The following DEFA5 variants were observed in gnomAD, a reference collection of about 807,000 sequenced individuals.
DEFA5 encodes the protein defensin alpha 5.
Under a neutral mutation model 8.7 loss-of-function variants are expected in DEFA5, and 11 were observed. That is an observed-to-expected ratio of 1.26 (90% CI 0.80 to 2.09). DEFA5 has a LOEUF of 2.09. DEFA5 is among the 30% of genes most tolerant of loss of function. The pLI is 0.00. For synonymous variants in DEFA5, 52 were observed against 43.9 expected (o/e 1.18, Z -0.73); for missense variants, 181 against 117.2 (o/e 1.54, Z -2.52).
In DEFA5 at chr8:7,056,692, C is replaced by T; in HGVS notation, c.6G>A (p.Arg2=). Residue 2 remains arginine (R), a synonymous_variant, in exon 1 of 2, where the codon AGG becomes AGA. Coordinates refer to ENST00000330590, the MANE Select transcript of DEFA5 (RefSeq NM_021010.3). ...GAATGGCAGCAAGGATGGCGATGGT[C>T]CTCATGGCTGGGGTCACCTGCAGGA... M[R]TIAILAAILL... 6.2e-7 allele frequency: 1 copy of T among 1,611,060 alleles called. No individual in the cohort carries two copies.
At position 7,055,568 on chromosome 8, in the gene DEFA5, C is replaced by A. The variant is rs1373877011; in HGVS notation, c.173-25G>T. The A allele has an allele frequency of 1.1e-5, 17 of 1,537,558 alleles. No individual in the cohort carries two copies. The South Asian group carries it at 1.9e-4, about 18-fold the overall frequency. ...CCTGTGGAAAGAAGAGAGGGTCAGGCACAGCGAGGGAGGTGGGAAAAAGGA... is the reference window on the plus strand; with the variant it reads ...CCTGTGGAAAGAAGAGAGGGTCAGGAACAGCGAGGGAGGTGGGAAAAAGGA... On this transcript the variant is annotated intron_variant, in intron 1 of 1. Transcript: ENST00000330590.
chr8:7,055,393 A>T lies in DEFA5; in HGVS notation c.*38T>A. 2.0e-6 allele frequency: 3 copies of T among 1,522,092 alleles called. No individual in the cohort carries two copies. Among genetic ancestry groups the T allele is most frequent in the Non-Finnish European group, 2.7e-6 (3 of 1,099,574 alleles). 94.3% of individuals were successfully genotyped at this position (1,522,092 alleles called of 1,614,324 possible). On this transcript the variant is annotated 3_prime_UTR_variant, in exon 2 of 2. Coordinates refer to ENST00000330590, the MANE Select transcript of DEFA5 (RefSeq NM_021010.3). Reference sequence around the variant, plus strand: ...TGTTTTTCTTTTTTCAGGACCTTGAACTGAATCTTGCACTGCTTTGGTTTC... The same window carrying T: ...TGTTTTTCTTTTTTCAGGACCTTGATCTGAATCTTGCACTGCTTTGGTTTC...
In DEFA5 at chr8:7,055,388, C is replaced by T. The variant is rs746673967; in HGVS notation, c.*43G>A. On this transcript the variant is annotated 3_prime_UTR_variant, in exon 2 of 2. Coordinates refer to ENST00000330590, the MANE Select transcript of DEFA5 (RefSeq NM_021010.3). ...TAAAATGTTTTTCTTTTTTCAGGAC[C>T]TTGAACTGAATCTTGCACTGCTTTG... 8.0e-6 allele frequency: 12 copies of T among 1,494,620 alleles called. No individual in the cohort carries two copies. In the East Asian group the frequency reaches 2.5e-4, roughly 31 times the overall value. 92.6% of individuals were successfully genotyped at this position (1,494,620 alleles called of 1,614,324 possible).
In DEFA5 at chr8:7,055,329, G is replaced by A. The variant is rs1585105302; in HGVS notation, c.*102C>T. Reference sequence around the variant, plus strand: ...TTTAATGCTTGAACTTTATTTTGGAGAGAGAAATTTAGAAAGACACAAGGT... The same window carrying A: ...TTTAATGCTTGAACTTTATTTTGGAAAGAGAAATTTAGAAAGACACAAGGT... On this transcript the variant is annotated 3_prime_UTR_variant, in exon 2 of 2. Coordinates refer to ENST00000330590, the MANE Select transcript of DEFA5 (RefSeq NM_021010.3). The A allele has an allele frequency of 6.0e-6, 5 of 838,790 alleles. No individual in the cohort carries two copies. In the East Asian group the frequency reaches 1.3e-4, roughly 23 times the overall value. The allele number at this position is 838,790 out of a possible 1,614,324, so 52.0% of individuals were successfully genotyped here. A position where few individuals can be genotyped will look rare whatever the true frequency, so the allele number is the denominator to read the frequency against.
At chr8:7,055,769 A>ACCTGCTC (rs1443733196) in intron 1 of DEFA5, among the ~76,000 whole-genome samples, 2 of 152,164 alleles carry the variant, frequency 1.3e-5, no homozygotes, top group African/African-American at 4.8e-5. Context: ...TGTATTTATT[A>ACCTGCTC]CCTGCTCCCT....
chr8:7,056,498 G>A (rs755905333), intron 1 of DEFA5, 28 bp downstream of exon 1: 4 of 1,572,392 alleles, frequency 2.5e-6, no homozygotes, highest in Non-Finnish European at 3.5e-6. Flanking sequence ...TCTAGATTTT[G>A]CAGATGTGCA....
At chr8:7,056,050 A>G (rs145103641) in intron 1 of DEFA5, among the ~76,000 whole-genome samples, 14 of 93,182 alleles carry the variant, frequency 1.5e-4, no homozygotes, top group African/African-American at 5.4e-4. Context: ...AACATTTTAC[A>G]TATTTACTTG....
intron 1 of DEFA5, 105 bp downstream of exon 1, chr8:7,056,421 G>A (rs959468344): frequency 2.6e-6 from 3 of 1,166,416 alleles, no homozygotes; most frequent in Admixed American, 2.4e-5. Flanking sequence ...GGAAGATTAA[G>A]TAAAGTCACT....
In DEFA5 at chr8:7,056,421, G is replaced by C. The variant is rs959468344; in HGVS notation, c.172+105C>G. The C allele has an allele frequency of 3.4e-6, 4 of 1,166,298 alleles. No individual in the cohort carries two copies. In the African/African-American group the frequency reaches 6.1e-5, roughly 18 times the overall value. The allele number at this position is 1,166,298 out of a possible 1,614,324, so 72.2% of individuals were successfully genotyped here. On this transcript the variant is annotated intron_variant, in intron 1 of 1. Transcript: ENST00000330590. ...GAAAATCAAGGTCCAGGAAGATTAAGTAAAGTCACTCAAGTGAGGTAGACC... is the reference window on the plus strand; with the variant it reads ...GAAAATCAAGGTCCAGGAAGATTAACTAAAGTCACTCAAGTGAGGTAGACC...
At position 7,056,698 on chromosome 8, in the gene DEFA5, G is replaced by C. The variant is rs368120233; in HGVS notation, c.-1C>G. 14 of 1,608,054 alleles carry C rather than the reference G, an allele frequency of 8.7e-6. 1 individual carries two copies. The African/African-American group carries it at 1.2e-4, about 14-fold the overall frequency. On this transcript the variant is annotated 5_prime_UTR_variant, in exon 1 of 2. Coordinates refer to ENST00000330590, the MANE Select transcript of DEFA5 (RefSeq NM_021010.3). ...CAGCAAGGATGGCGATGGTCCTCATGGCTGGGGTCACCTGCAGGAGGGAGA... is the reference window on the plus strand; with the variant it reads ...CAGCAAGGATGGCGATGGTCCTCATCGCTGGGGTCACCTGCAGGAGGGAGA...
chr8:7,056,596 C>G lies in DEFA5; in HGVS notation c.102G>C (p.Gln34His). The G allele has an allele frequency of 1.9e-6, 3 of 1,614,172 alleles. No homozygotes were observed. The highest frequency in any genetic ancestry group is 2.5e-6 in the Non-Finnish European group (3 of 1,179,992). Residue 34 changes from glutamine to histidine, a missense_variant, in exon 1 of 2, where the codon CAG becomes CAC. Transcript: ENST00000330590. The part of the protein sequence containing the change: ...ERADEATTQK[Q>H]SGEDNQDLAI... ...CAAGGTCCTGGTTGTCTTCCCCAGA[C>G]TGCTTCTGGGTTGTAGCCTCATCAG...
Position 7,056,659 on chromosome 8 carries a change from C to A in DEFA5, c.39G>T (p.Val13=), listed in dbSNP as rs1483948616. 2 of 1,613,626 alleles carry A rather than the reference C, an allele frequency of 1.2e-6. No homozygotes were observed. The highest frequency in any genetic ancestry group is 1.7e-6 in the Non-Finnish European group (2 of 1,179,688). Residue 13 remains valine, a synonymous_variant, in exon 1 of 2, where the codon GTG becomes GTT. Transcript: ENST00000330590. ...GTGACTCAGCCTGGGCCTGCAGGGC[C>A]ACCAGGAGAATGGCAGCAAGGATGG... ...TIAILAAILL[V]ALQAQAESLQ... is the part of the protein sequence containing the mutation.
chr8:7,056,354 C>G (rs977978180), intron 1 of DEFA5, among the ~76,000 whole-genome samples, 172 bp downstream of exon 1: 1 of 152,138 alleles, frequency 6.6e-6, no homozygotes, highest in Non-Finnish European at 1.5e-5. Context: ...AAAAGAAAAT[C>G]TTTTAGATTT....
chr8:7,055,314 G>C lies in DEFA5; in HGVS notation c.*117C>G. The C allele has an allele frequency of 2.7e-6, 2 of 752,948 alleles. No individual in the cohort carries two copies. The highest frequency in any genetic ancestry group is 1.7e-5 in the South Asian group (1 of 57,460). 46.6% of individuals were successfully genotyped at this position (752,948 alleles called of 1,614,324 possible). On this transcript the variant is annotated 3_prime_UTR_variant, in exon 2 of 2. Transcript: ENST00000330590. Reference sequence around the variant, plus strand: ...GTCAAACACACTAAGTTTAATGCTTGAACTTTATTTTGGAGAGAGAAATTT... The same window carrying C: ...GTCAAACACACTAAGTTTAATGCTTCAACTTTATTTTGGAGAGAGAAATTT...
rs1812376382 is a variant in DEFA5, at chr8:7,055,349, C to G, written c.*82G>C. 5.0e-6 allele frequency: 5 copies of G among 994,500 alleles called. No individual in the cohort carries two copies. Among genetic ancestry groups the G allele is most frequent in the Admixed American group, 2.1e-5 (1 of 47,570 alleles). The allele number at this position is 994,500 out of a possible 1,614,324, so 61.6% of individuals were successfully genotyped here. ...TTGGAGAGAGAAATTTAGAAAGACA[C>G]AAGGTACACAGAGTAAAATGTTTTT... is the stretch of plus-strand genomic sequence containing the variant. On this transcript the variant is annotated 3_prime_UTR_variant, in exon 2 of 2. Transcript: ENST00000330590.
intron 1 of DEFA5, 98 bp from the exon 2 acceptor site, chr8:7,055,641 T>G: frequency 1.3e-6 from 1 of 781,644 alleles, no homozygotes; most frequent in Non-Finnish European, 2.2e-6. Context: ...AGACACTGTA[T>G]CAGTCATGTT....
chr8:7,055,465 A>G lies in DEFA5; in HGVS notation c.251T>C (p.Ile84Thr), dbSNP rs748668993. 107 of 1,613,704 alleles carry G rather than the reference A, an allele frequency of 6.6e-5. No individual in the cohort carries two copies. Among genetic ancestry groups the G allele is most frequent in the Non-Finnish European group, 9.1e-5 (107 of 1,179,952 alleles). The change falls in exon 2 of 2, where the codon ATC becomes ACC. Residue 84 changes from isoleucine to threonine, a missense_variant. By Grantham distance (89) the Ile-to-Thr change is moderately conservative. Transcript: ENST00000330590. ...TRESLSGVCE[I>T]SGRLYRLCCR The stretch of plus-strand genomic sequence containing the variant: ...GCAGAGTCTGTAGAGGCGGCCACTG[A>G]TTTCACACACCCCGGAGAGGGACTC...
At position 7,055,522 on chromosome 8, in the gene DEFA5, C is replaced by G. The variant is rs762979438; in HGVS notation, c.194G>C (p.Cys65Ser). Reference sequence around the variant, plus strand: ...AGCACAACGGCCGGTTCGGCAATAGCAGGTGGCTCTTGCCTGAGAACCTGT... The same window carrying G: ...AGCACAACGGCCGGTTCGGCAATAGGAGGTGGCTCTTGCCTGAGAACCTGT... ...RTSGSQARAT[C>S]YCRTGRCATR... Residue 65 changes from cysteine (C) to serine (S), a missense_variant, in exon 2 of 2, where the codon TGC becomes TCC. Cys to Ser is a moderately radical substitution (Grantham distance 112). Coordinates refer to ENST00000330590, the MANE Select transcript of DEFA5 (RefSeq NM_021010.3). 1 of 1,612,780 alleles carries G rather than the reference C, an allele frequency of 6.2e-7. No homozygotes were observed. Among genetic ancestry groups the G allele is most frequent in the African/African-American group, 1.3e-5 (1 of 75,002 alleles).
At position 7,056,379 on chromosome 8, in the gene DEFA5, G is replaced by A. The variant is rs1488064794; in HGVS notation, c.172+147C>T. The A allele has an allele frequency of 7.7e-6, 6 of 782,456 alleles. No homozygotes were observed. In the East Asian group the frequency reaches 1.6e-4, roughly 20 times the overall value. The allele number at this position is 782,456 out of a possible 1,614,324, so 48.5% of individuals were successfully genotyped here. On this transcript the variant is annotated intron_variant, in intron 1 of 1. Transcript: ENST00000330590. ...CTTTTAGATTTATTTGGTTCTCACT[G>A]ATTAATTTATAGATGAGAAAATCAA...
Sources: gnomAD v4.1 joint callset for allele counts (sites outside exome capture counted in the v4.1 genomes callset) on GRCh38, gnomAD v4.1.1 for gene constraint, MANE v1.5 for transcripts, NCBI Gene and HGNC (gene_info 2026-07-23, HGNC 2026-07-21) for gene names.